LRRC27: variants seen among roughly 807,000 people sequenced by gnomAD.
LRRC27 encodes the protein leucine-rich repeat-containing protein 27.
Under a neutral mutation model 55.0 loss-of-function variants are expected in LRRC27, and 57 were observed. That is an observed-to-expected ratio of 1.04 (90% CI 0.84 to 1.29). The LOEUF is 1.29. LRRC27 is among the 50% of genes most tolerant of loss of function. The pLI is 0.00. For missense variants in LRRC27, 721 were observed against 651.5 expected (o/e 1.11, Z -1.16); for synonymous variants, 278 against 251.9 (o/e 1.10, Z -0.98).
In LRRC27 at chr10:132,360,909, AG is replaced by A. The variant is rs535941673; in HGVS notation, c.1171-544del. On this transcript the variant is annotated intron_variant, in intron 8 of 10. Transcript: ENST00000368614. ...AGGCCCAAAGCTCCCTGAGGTCCGG[AG>A]GGGTCAGCGTGGCTCTCACATGTGT... Among the ~76,000 whole-genome samples the A allele has an allele frequency of 1.6e-3, 237 of 152,250 alleles. 3 individuals are homozygous for A. The highest frequency in any genetic ancestry group is 5.0e-3 in the African/African-American group (208 of 41,528).
Position 132,365,466 on chromosome 10 carries a change from C to A in LRRC27, c.1332C>A (p.His444Gln). The change falls in exon 10 of 11, where the codon CAC becomes CAA. Residue 444 changes from histidine to glutamine, a missense_variant. By Grantham distance (24) the His-to-Gln change is conservative. Transcript: ENST00000368614. ...ATTTAGAAGAGAAGATAAAACAGCA[C>A]GTCCTCCAAATGCGTGAGCAAAGAA... ...ERNLEEKIKQ[H>Q]VLQMREQRRF... 6.2e-7 allele frequency: 1 copy of A among 1,613,696 alleles called. No individual in the cohort carries two copies. Among genetic ancestry groups the A allele is most frequent in the Non-Finnish European group, 8.5e-7 (1 of 1,179,958 alleles).
At position 132,374,992 on chromosome 10, in the gene LRRC27, C is replaced by T; in HGVS notation, c.1417-74C>T. ...ACATGGCCTGGGCCCCACGTGGAAT[C>T]TGAGCCAGAGACGTGGTGACGCCCT... On this transcript the variant is annotated intron_variant, in intron 10 of 10. Coordinates refer to ENST00000368614, the MANE Select transcript of LRRC27 (RefSeq NM_030626.3). This position sits in a 1 kb window ranked among gnomAD's most constrained non-coding sequence, Gnocchi z 4.4. The T allele has an allele frequency of 6.8e-7, 1 of 1,471,768 alleles. No individual in the cohort carries two copies. Among genetic ancestry groups the T allele is most frequent in the Non-Finnish European group, 9.2e-7 (1 of 1,081,458 alleles). 91.2% of individuals were successfully genotyped at this position (1,471,768 alleles called of 1,614,324 possible). A position where few individuals can be genotyped will look rare whatever the true frequency, so the allele number is the denominator to read the frequency against.
chr10:132,348,481 G>A lies in LRRC27; in HGVS notation c.926+125G>A, dbSNP rs1485040167. The A allele has an allele frequency of 2.3e-6, 3 of 1,302,840 alleles. No homozygotes were observed. In the East Asian group the frequency reaches 7.1e-5, roughly 31 times the overall value. The allele number at this position is 1,302,840 out of a possible 1,614,324, so 80.7% of individuals were successfully genotyped here. A position where few individuals can be genotyped will look rare whatever the true frequency, so the allele number is the denominator to read the frequency against. ...CCTCCACGTTGCCACCGTTTACTGT[G>A]CAGTGAGTGCCGGTCCCAGGTTTAG... On this transcript the variant is annotated intron_variant, in intron 6 of 10. Coordinates refer to ENST00000368614, the MANE Select transcript of LRRC27 (RefSeq NM_030626.3). This position sits in a 1 kb window ranked among gnomAD's most constrained non-coding sequence, Gnocchi z 4.2.
rs372090789 is a variant in LRRC27 at position 132,375,113 on chromosome 10, C to T, written c.1464C>T (p.Thr488=). The T allele has an allele frequency of 5.6e-6, 9 of 1,614,046 alleles. No individual in the cohort carries two copies. In the South Asian group the frequency reaches 7.7e-5, roughly 14 times the overall value. The part of the protein sequence containing the change: ...DEVLKLKLGL[T]LNKDRRRAAL... ...TATTGAAGCTAAAATTGGGATTAAC[C>T]TTGAACAAAGATCGTCGACGGGCGG... The change falls in exon 11 of 11, where the codon ACC becomes ACT. Residue 488 remains threonine, a synonymous_variant. Transcript: ENST00000368614.
Position 132,344,489 on chromosome 10 carries a change from C to T in LRRC27, c.401-9C>T, listed in dbSNP as rs749611481. ...AGAATGCTGACAGTTTTTTTTTCCT[C>T]CACTGCAGGGAGCGTAACCACGCTG... On this transcript the variant is annotated splice_polypyrimidine_tract_variant and intron_variant, in intron 4 of 10. Transcript: ENST00000368614. 4.4e-6 allele frequency: 7 copies of T among 1,597,482 alleles called. No individual in the cohort carries two copies. Among genetic ancestry groups the T allele is most frequent in the East Asian group, 2.2e-5 (1 of 44,588 alleles).
At chr10:132,335,215 G>A (rs1438249902) in intron 2 of LRRC27, 1 of 152,258 alleles carries the variant, frequency 6.6e-6, no homozygotes, top group Non-Finnish European at 1.5e-5. Flanking sequence ...ACACCCAGCA[G>A]GGTTACAACA....
At chr10:132,336,345 T>C (rs1196889102) in intron 2 of LRRC27, among the ~76,000 whole-genome samples, 1 of 152,222 alleles carries the variant, frequency 6.6e-6, no homozygotes, top group Non-Finnish European at 1.5e-5. Context: ...GCACACACTG[T>C]GACCTGTGAT....
Position 132,381,092 on chromosome 10 carries a change from A to G in LRRC27, c.*5850A>G, listed in dbSNP as rs1192021951. ...TTGTTTCTGGGTGTTGCCAGAAGAG[A>G]TTAACATTTGAGTCAGTGGACTGGG... On this transcript the variant is annotated 3_prime_UTR_variant, in exon 11 of 11. Coordinates refer to ENST00000368614, the MANE Select transcript of LRRC27 (RefSeq NM_030626.3). 6.6e-6 allele frequency among the ~76,000 whole-genome samples: 1 copy of G among 152,220 alleles called. No individual in the cohort carries two copies. The highest frequency in any genetic ancestry group is 1.5e-5 in the Non-Finnish European group (1 of 68,038).
intron 7 of LRRC27, 129 bp downstream of exon 7, chr10:132,351,882 G>A (rs540029006): frequency 3.5e-6 from 4 of 1,142,834 alleles, no homozygotes; most frequent in Admixed American, 2.8e-5. Flanking sequence ...GCTGATCCAG[G>A]ATCCGTCTCT....
rs759579058 is a variant in LRRC27 at position 132,351,557 on chromosome 10, C to T, written c.927-50C>T. ...ACATTTCACATGTTGTATGAATTAC[C>T]GTCACAGGGTTTTGTTAAACATTCA... On this transcript the variant is annotated intron_variant, in intron 6 of 10. Transcript: ENST00000368614. 82 of 1,582,798 alleles carry T rather than the reference C, an allele frequency of 5.2e-5. 1 individual carries two copies. The South Asian group carries it at 6.0e-4, about 12-fold the overall frequency.
In LRRC27 at chr10:132,356,526, G is replaced by C. The variant is rs1282003771; in HGVS notation, c.1170+640G>C. 3.9e-3 allele frequency among the ~76,000 whole-genome samples: 40 copies of C among 10,358 alleles called. 1 individual carries two copies. The highest frequency in any genetic ancestry group is 0.021 in the African/African-American group (37 of 1,738). 6.8% of individuals were successfully genotyped at this position (10,358 alleles called of 152,430 possible). ...TGAGTACCGTCCCCCAAGATTGCCA[G>C]CTCTTAAGCTATGGGACATGGGATA... On this transcript the variant is annotated intron_variant, in intron 8 of 10. Transcript: ENST00000368614.
At chr10:132,373,546 C>T (rs2069266082) in intron 10 of LRRC27, among the ~76,000 whole-genome samples, 1 of 152,162 alleles carries the variant, frequency 6.6e-6, no homozygotes, top group South Asian at 2.1e-4. Context: ...CGCCGGGATT[C>T]GGTACTCCCA....
In LRRC27 at chr10:132,375,004, C is replaced by G; in HGVS notation, c.1417-62C>G. ...CCCCACGTGGAATCTGAGCCAGAGA[C>G]GTGGTGACGCCCTAAGTCCTGCCAG... On this transcript the variant is annotated intron_variant, in intron 10 of 10. Transcript: ENST00000368614. 2.7e-6 allele frequency: 4 copies of G among 1,504,354 alleles called. No individual in the cohort carries two copies. The East Asian group carries it at 6.9e-5, about 26-fold the overall frequency. The allele number at this position is 1,504,354 out of a possible 1,614,324, so 93.2% of individuals were successfully genotyped here. A position where few individuals can be genotyped will look rare whatever the true frequency, so the allele number is the denominator to read the frequency against.
chr10:132,353,948 C>T (rs892798350), intron 7 of LRRC27, among the ~76,000 whole-genome samples: 2 of 152,242 alleles, frequency 1.3e-5, no homozygotes, highest in Non-Finnish European at 2.9e-5. Context: ...CTGCCAGTTT[C>T]AAGGTACCGT....
chr10:132,364,801 C>CGT, intron 9 of LRRC27, among the ~76,000 whole-genome samples: 1 of 123,294 alleles, frequency 8.1e-6, no homozygotes, highest in African/African-American at 3.5e-5. Context: ...CTCACACCCA[C>CGT]CCACACTTAC....
chr10:132,374,036 G>A lies in LRRC27; in HGVS notation c.1417-1030G>A, dbSNP rs1302392038. On this transcript the variant is annotated intron_variant, in intron 10 of 10. Transcript: ENST00000368614. The surrounding 1 kb of genome is among the most constrained non-coding windows in gnomAD (Gnocchi z 4.4). ...GAGTGCTGCTCTAGCCCACAGTTAC[G>A]ATATGGGGGCGGGGGAGGCTGCAGG... 6.6e-6 allele frequency among the ~76,000 whole-genome samples: 1 copy of A among 152,124 alleles called. No homozygotes were observed. Among genetic ancestry groups the A allele is most frequent in the African/African-American group, 2.4e-5 (1 of 41,400 alleles).
In LRRC27 at chr10:132,357,664, G is replaced by A. The variant is rs148244903; in HGVS notation, c.1170+1778G>A. On this transcript the variant is annotated intron_variant, in intron 8 of 10. Transcript: ENST00000368614. ...CTCTGGGGAGGGGGGCGCAGAGGAG[G>A]GGTCGATGCTGCCACAGTTGTGCTT... Among the ~76,000 whole-genome samples the A allele has an allele frequency of 2.1e-3, 316 of 152,318 alleles. 1 individual carries two copies. The highest frequency in any genetic ancestry group is 7.0e-3 in the African/African-American group (292 of 41,572).
At chr10:132,338,088 G>A (rs1181997423) in intron 3 of LRRC27, among the ~76,000 whole-genome samples, 1 of 152,162 alleles carries the variant, frequency 6.6e-6, no homozygotes. Flanking sequence ...GGCCGAGGTG[G>A]GCAGATCACC....
intron 2 of LRRC27, chr10:132,336,922 A>T: frequency 3.1e-6 from 2 of 645,796 alleles, no homozygotes; most frequent in Non-Finnish European, 5.4e-6. Flanking sequence ...TGAATGTTAT[A>T]TGCATTTTAC....
Sources: gnomAD v4.1 joint callset for allele counts (sites outside exome capture counted in the v4.1 genomes callset) on GRCh38, gnomAD v4.1.1 for gene constraint, Gnocchi (gnomAD v3.1) non-coding constraint, MANE v1.5 for transcripts, NCBI Gene and HGNC (gene_info 2026-07-23, HGNC 2026-07-21) for gene names.